Variants in CERS6 observed in about 807,000 individuals in gnomAD.
The protein encoded by CERS6 is LAG1 homolog, ceramide synthase 6.
Under a neutral mutation model 56.8 loss-of-function variants are expected in CERS6, and 26 were observed. That is an observed-to-expected ratio of 0.46 (90% CI 0.34 to 0.63). The LOEUF is 0.63. CERS6 is among the 30% of genes least tolerant of loss of function. The pLI, the probability that CERS6 is intolerant of heterozygous loss-of-function variation, is 0.01. For synonymous variants in CERS6, 164 were observed against 173.3 expected (o/e 0.95, Z 0.42); for missense variants, 415 against 467.5 (o/e 0.89, Z 1.04).
At chr2:168,505,411 A>G (rs1251938567) in intron 1 of CERS6, among the ~76,000 whole-genome samples, 2 of 151,630 alleles carry the variant, frequency 1.3e-5, no homozygotes, top group Middle Eastern at 3.2e-3. Context: ...AGAAAAAAAA[A>G]GAAATATGAG....
intron 1 of CERS6, among the ~76,000 whole-genome samples, chr2:168,531,308 A>G (rs1245944308): frequency 6.6e-6 from 1 of 152,236 alleles, no homozygotes; most frequent in Non-Finnish European, 1.5e-5. Context: ...AAGATTAAAA[A>G]ACAACTTTTT....
intron 8 of CERS6, among the ~76,000 whole-genome samples, chr2:168,721,346 C>A (rs1265893383): frequency 6.6e-6 from 1 of 151,892 alleles, no homozygotes; most frequent in Non-Finnish European, 1.5e-5. Flanking sequence ...TTTATTTATC[C>A]ATTCATGAGG....
chr2:168,720,496 G>T (rs1244646514), intron 8 of CERS6, among the ~76,000 whole-genome samples: 2 of 152,092 alleles, frequency 1.3e-5, no homozygotes, highest in Admixed American at 6.5e-5. Flanking sequence ...TCTTAAGTCT[G>T]CTGTTTGCTG....
At chr2:168,523,660 C>A (rs1695022663) in intron 1 of CERS6, among the ~76,000 whole-genome samples, 1 of 151,980 alleles carries the variant, frequency 6.6e-6, no homozygotes, top group Non-Finnish European at 1.5e-5. Context: ...ACTACAGTGT[C>A]AAGCAGGTGA....
In CERS6 at chr2:168,715,010, A is replaced by G. The variant is rs747182302; in HGVS notation, c.619A>G (p.Ile207Val). Reference protein sequence around the residue: ...FTDIKRKDFGIMFLHHLVSIF... With the variant: ...FTDIKRKDFGVMFLHHLVSIF... ...TTCTTCTTTCCTCAAGGACTTTGGC[A>G]TTATGTTCCTGCACCACCTTGTATC... The change falls in exon 7 of 10, where the codon ATT becomes GTT. Residue 207 changes from isoleucine (I) to valine (V), a missense_variant. Transcript: ENST00000305747. 2.5e-6 allele frequency: 4 copies of G among 1,604,542 alleles called. No homozygotes were observed. In the South Asian group the frequency reaches 4.5e-5, roughly 18 times the overall value.
At chr2:168,752,683 C>T (rs1574221190) in intron 8 of CERS6, among the ~76,000 whole-genome samples, 1 of 152,170 alleles carries the variant, frequency 6.6e-6, no homozygotes, top group South Asian at 2.1e-4. Flanking sequence ...CATTACTATC[C>T]GACTTAAATG....
At chr2:168,534,423 A>G (rs1481222748) in intron 1 of CERS6, among the ~76,000 whole-genome samples, 1 of 128,406 alleles carries the variant, frequency 7.8e-6, no homozygotes, top group African/African-American at 2.8e-5. Context: ...TTTTTTTTTA[A>G]TTGTTGATGC....
At chr2:168,489,774 T>A (rs1471577555) in intron 1 of CERS6, among the ~76,000 whole-genome samples, 1 of 152,150 alleles carries the variant, frequency 6.6e-6, no homozygotes, top group Non-Finnish European at 1.5e-5. Context: ...TCATTCCATA[T>A]CACCATGGAG....
intron 1 of CERS6, among the ~76,000 whole-genome samples, chr2:168,467,617 T>G (rs1450104203): frequency 1.3e-5 from 2 of 152,214 alleles, no homozygotes; most frequent in African/African-American, 2.4e-5. Context: ...ACAGTGCTGT[T>G]TATCACCTGT....
intron 3 of CERS6, among the ~76,000 whole-genome samples, chr2:168,630,318 ACACACACACG>A (rs911576218): frequency 1.4e-5 from 2 of 140,436 alleles, no homozygotes; most frequent in South Asian, 2.6e-4. Context: ...ACACACACAC[ACACACACACG>A]CACACATCTT....
chr2:168,595,684 G>A (rs144371079), intron 3 of CERS6, among the ~76,000 whole-genome samples: 290 of 152,224 alleles, frequency 1.9e-3, no homozygotes, highest in Middle Eastern at 0.017. Context: ...GCAGCAAATT[G>A]TAATGGTTTG....
At chr2:168,516,704 T>C (rs1574036865) in intron 1 of CERS6, among the ~76,000 whole-genome samples, 1 of 151,976 alleles carries the variant, frequency 6.6e-6, no homozygotes, top group Admixed American at 6.6e-5. Flanking sequence ...AAGCTAAGAG[T>C]TGTTATTTGA....
chr2:168,673,695 A>G (rs1399111526), intron 4 of CERS6, among the ~76,000 whole-genome samples: 8 of 152,170 alleles, frequency 5.3e-5, no homozygotes, highest in Non-Finnish European at 1.2e-4. Context: ...GCTCCTCCCT[A>G]TTCCCTGCTT....
chr2:168,592,035 T>TC (rs1165065454), intron 3 of CERS6, among the ~76,000 whole-genome samples: 1 of 152,162 alleles, frequency 6.6e-6, no homozygotes, highest in African/African-American at 2.4e-5. Context: ...CAACTGAGTG[T>TC]CAAAGAATTG....
chr2:168,704,436 G>A (rs529378401), intron 6 of CERS6, among the ~76,000 whole-genome samples: 1 of 152,086 alleles, frequency 6.6e-6, no homozygotes, highest in South Asian at 2.1e-4. Context: ...TAGGGGCCTT[G>A]GGAAAACACC....
chr2:168,756,065 G>A (rs1400826782), intron 8 of CERS6, among the ~76,000 whole-genome samples: 1 of 152,122 alleles, frequency 6.6e-6, no homozygotes, highest in African/African-American at 2.4e-5. Context: ...GGCCTTGCTA[G>A]GAGTGATCCT....
At chr2:168,748,053 T>TTCTCA (rs1684159293) in intron 8 of CERS6, among the ~76,000 whole-genome samples, 1 of 152,228 alleles carries the variant, frequency 6.6e-6, no homozygotes, top group African/African-American at 2.4e-5. Context: ...TGTTGTGATT[T>TTCTCA]TCTCATCAAA....
At chr2:168,526,734 G>C (rs774939065) in intron 1 of CERS6, among the ~76,000 whole-genome samples, 3 of 152,190 alleles carry the variant, frequency 2.0e-5, no homozygotes, top group Non-Finnish European at 4.4e-5. Context: ...TAAATTGTTT[G>C]GAATGCAGAT....
chr2:168,654,820 GGCAATATA>G (rs987145321), intron 4 of CERS6, among the ~76,000 whole-genome samples: 1 of 152,192 alleles, frequency 6.6e-6, no homozygotes, highest in Non-Finnish European at 1.5e-5. Context: ...TTTACAACAA[GGCAATATA>G]GTCTTATTGA....
Sources: gnomAD v4.1 joint callset for allele counts (sites outside exome capture counted in the v4.1 genomes callset) on GRCh38, gnomAD v4.1.1 for gene constraint, MANE v1.5 for transcripts, NCBI Gene and HGNC (gene_info 2026-07-23, HGNC 2026-07-21) for gene names.